C3orf70: variants seen among roughly 807,000 people sequenced by gnomAD.
C3orf70 encodes UPF0524 protein C3orf70.
C3orf70 carries 15 observed loss-of-function variants against 20.7 expected under a neutral mutation model. That is an observed-to-expected ratio of 0.72 (90% CI 0.48 to 1.11). C3orf70 has a LOEUF of 1.11. Among genes scored for constraint, C3orf70 ranks in the 50% most tolerant of loss-of-function variants. The pLI is 0.00. For synonymous variants in C3orf70, 161 were observed against 125.7 expected, an observed-to-expected ratio of 1.28 and a Z score of -1.88; for missense variants, 332 against 317.6, an observed-to-expected ratio of 1.05 and a Z score of -0.34.
chr3:185,123,220 T>C (rs1164047921), intron 1 of C3orf70, among the ~76,000 whole-genome samples: 2 of 149,668 alleles, frequency 1.3e-5, no homozygotes, highest in South Asian at 4.2e-4. Flanking sequence ...TGAAACTGCA[T>C]TATCACAATG....
intron 1 of C3orf70, among the ~76,000 whole-genome samples, chr3:185,133,438 T>C (rs62289822): frequency 0.059 from 9,029 of 152,298 alleles, 376 homozygotes; most frequent in South Asian, 0.1. Flanking sequence ...CAGTAAGAAA[T>C]TGGTTAAAAA....
intron 1 of C3orf70, among the ~76,000 whole-genome samples, chr3:185,123,577 C>T (rs6784121): frequency 0.14 from 21,806 of 150,898 alleles, 1,727 homozygotes; most frequent in East Asian, 0.23. Context: ...TAGGCTCAAG[C>T]GATCCTCCCC....
chr3:185,131,823 T>G (rs1208067632), intron 1 of C3orf70, among the ~76,000 whole-genome samples: 1 of 152,194 alleles, frequency 6.6e-6, no homozygotes, highest in Non-Finnish European at 1.5e-5. Context: ...AAGGTCAAGG[T>G]TCATGAAATA....
At chr3:185,126,600 C>T (rs1349217416) in intron 1 of C3orf70, among the ~76,000 whole-genome samples, 2 of 152,186 alleles carry the variant, frequency 1.3e-5, no homozygotes, top group Admixed American at 6.5e-5. Context: ...CCGACTTCCA[C>T]GTTTTAATTC....
rs960359789 is a variant in C3orf70, at chr3:185,077,376, A to T, written c.*5631T>A. Among the ~76,000 whole-genome samples the T allele has an allele frequency of 6.6e-6, 1 of 152,178 alleles. No homozygotes were observed. The highest frequency in any genetic ancestry group is 2.4e-5 in the African/African-American group (1 of 41,442). ...ATGTACGAGCTGTGCCACACTGGGTAAAGATGTGGACTTCTTGAGCTCTTT... is the reference window on the plus strand; with the variant it reads ...ATGTACGAGCTGTGCCACACTGGGTTAAGATGTGGACTTCTTGAGCTCTTT... On this transcript the variant is annotated 3_prime_UTR_variant, in exon 2 of 2. Coordinates refer to ENST00000335012, the MANE Select transcript of C3orf70 (RefSeq NM_001025266.3).
intron 1 of C3orf70, among the ~76,000 whole-genome samples, chr3:185,122,088 G>C (rs1355105112): frequency 1.5e-5 from 2 of 133,042 alleles, no homozygotes; most frequent in Non-Finnish European, 3.1e-5. Flanking sequence ...GACAGAGCGA[G>C]ACTCCGTCTC....
At chr3:185,087,289 G>A (rs1199522113) in intron 1 of C3orf70, among the ~76,000 whole-genome samples, 2 of 152,196 alleles carry the variant, frequency 1.3e-5, no homozygotes, top group Non-Finnish European at 2.9e-5. Flanking sequence ...AGCAAAAGGA[G>A]CATCAGTTTG....
chr3:185,148,918 T>C (rs1716928846), intron 1 of C3orf70, among the ~76,000 whole-genome samples: 1 of 152,244 alleles, frequency 6.6e-6, no homozygotes, highest in Non-Finnish European at 1.5e-5. Context: ...CTTTTTCTAT[T>C]TTATAAGTCT....
In C3orf70 at chr3:185,080,198, T is replaced by C. The variant is rs984618846; in HGVS notation, c.*2809A>G. On this transcript the variant is annotated 3_prime_UTR_variant, in exon 2 of 2. Transcript: ENST00000335012. The stretch of plus-strand genomic sequence containing the variant: ...CCAATGGAATGTCTCTAATTCTATA[T>C]AGTAGATAGTAGCAAGTGAAGCTTA... 2 of 152,670 alleles carry C rather than the reference T, an allele frequency of 1.3e-5. No individual in the cohort carries two copies. Among genetic ancestry groups the C allele is most frequent in the African/African-American group, 2.4e-5 (1 of 41,460 alleles). 9.5% of individuals were successfully genotyped at this position (152,670 alleles called of 1,614,324 possible).
chr3:185,119,884 C>T (rs1716257488), intron 1 of C3orf70, among the ~76,000 whole-genome samples: 1 of 151,452 alleles, frequency 6.6e-6, no homozygotes, highest in Non-Finnish European at 1.5e-5. Flanking sequence ...ATTAGCTGGG[C>T]GTGGTGGTGC....
chr3:185,137,203 C>T (rs1577333626), intron 1 of C3orf70, among the ~76,000 whole-genome samples: 1 of 152,194 alleles, frequency 6.6e-6, no homozygotes, highest in Admixed American at 6.5e-5. Flanking sequence ...TCGTTGTCCA[C>T]CGCCATCCAC....
At chr3:185,095,364 C>T (rs1715679751) in intron 1 of C3orf70, among the ~76,000 whole-genome samples, 1 of 152,186 alleles carries the variant, frequency 6.6e-6, no homozygotes, top group Admixed American at 6.5e-5. Context: ...TAGTTTCCTG[C>T]CATTGCTCTA....
intron 1 of C3orf70, among the ~76,000 whole-genome samples, chr3:185,135,764 T>C (rs1365914455): frequency 6.6e-6 from 1 of 152,032 alleles, no homozygotes; most frequent in Non-Finnish European, 1.5e-5. Flanking sequence ...CCCATAAATA[T>C]ATACAAATAT....
chr3:185,126,976 C>T (rs1056465318), intron 1 of C3orf70, among the ~76,000 whole-genome samples: 1 of 152,180 alleles, frequency 6.6e-6, no homozygotes, highest in Non-Finnish European at 1.5e-5. Context: ...GATTCTATAG[C>T]TTTTTAAAAA....
intron 1 of C3orf70, among the ~76,000 whole-genome samples, chr3:185,117,707 G>T (rs935690623): frequency 1.3e-5 from 2 of 152,092 alleles, no homozygotes; most frequent in African/African-American, 4.8e-5. Context: ...CAAGATAAAA[G>T]GCAATTTTCC....
At chr3:185,125,488 C>A (rs1324335385) in intron 1 of C3orf70, among the ~76,000 whole-genome samples, 2 of 152,132 alleles carry the variant, frequency 1.3e-5, no homozygotes, top group Non-Finnish European at 1.5e-5. Context: ...ACCTAGTAGT[C>A]CCCATTCCTA....
In C3orf70 at chr3:185,111,610, T is replaced by G. The variant is rs539245814; in HGVS notation, c.197-28047A>C. Reference sequence around the variant, plus strand: ...AGACTGTGGAGAACTGGAACTCTGATAGTGGGGATGTAAAATGGTATACAG... The same window carrying G: ...AGACTGTGGAGAACTGGAACTCTGAGAGTGGGGATGTAAAATGGTATACAG... On this transcript the variant is annotated intron_variant, in intron 1 of 1. Coordinates refer to ENST00000335012, the MANE Select transcript of C3orf70 (RefSeq NM_001025266.3). Among the ~76,000 whole-genome samples the G allele has an allele frequency of 3.3e-5, 5 of 152,270 alleles. No homozygotes were observed. The South Asian group carries it at 8.3e-4, about 25-fold the overall frequency.
intron 1 of C3orf70, among the ~76,000 whole-genome samples, chr3:185,119,879 C>G (rs1184008415): frequency 1.3e-5 from 2 of 151,732 alleles, no homozygotes; most frequent in Non-Finnish European, 2.9e-5. Flanking sequence ...CAAAAATTAG[C>G]TGGGCGTGGT....
intron 1 of C3orf70, among the ~76,000 whole-genome samples, chr3:185,106,804 C>T (rs113513559): frequency 1.2e-4 from 19 of 152,148 alleles, no homozygotes; most frequent in Admixed American, 2.6e-4. Flanking sequence ...CCAGCAGGGA[C>T]GATAGGATTA....
Sources: gnomAD v4.1 joint callset for allele counts (sites outside exome capture counted in the v4.1 genomes callset) on GRCh38, gnomAD v4.1.1 for gene constraint, MANE v1.5 for transcripts, NCBI Gene and HGNC (gene_info 2026-07-23, HGNC 2026-07-21) for gene names.